Variants in RD3 observed in about 807,000 individuals in gnomAD.
The protein encoded by RD3 is RD3 regulator of GUCY2D, also known as protein RD3.
In RD3, 11 loss-of-function variants were observed where a neutral mutation model predicts 16.9. That is an observed-to-expected ratio of 0.65 (90% CI 0.41 to 1.08). The LOEUF (loss-of-function observed/expected upper bound fraction) is 1.08. Ranked by LOEUF, RD3 falls within the 50% of genes least tolerant of loss-of-function variation. RD3 has a pLI of 0.00. For missense variants in RD3, 274 were observed against 267.4 expected, an observed-to-expected ratio of 1.02 and a Z score of -0.17; for synonymous variants, 116 against 114.8, an observed-to-expected ratio of 1.01 and a Z score of -0.07.
chr1:211,476,532 T>A lies in RD3; in HGVS notation c.*2504A>T, dbSNP rs1274209926. 3 of 152,150 alleles carry A rather than the reference T, an allele frequency of 2.0e-5. No individual in the cohort carries two copies. Among genetic ancestry groups the A allele is most frequent in the Non-Finnish European group, 4.4e-5 (3 of 68,036 alleles). The allele number at this position is 152,150 out of a possible 1,614,324, so 9.4% of individuals were successfully genotyped here. A position where few individuals can be genotyped will look rare whatever the true frequency, so the allele number is the denominator to read the frequency against. The stretch of plus-strand genomic sequence containing the variant: ...ACAAGGACACTCTCAAACTTTTTGT[T>A]CTTTTATTTGTGGTTATTGAGGTTT... On this transcript the variant is annotated 3_prime_UTR_variant, in exon 3 of 3. Transcript: ENST00000680073.
intron 2 of RD3, among the ~76,000 whole-genome samples, chr1:211,479,656 G>C (rs1408029937): frequency 6.6e-6 from 1 of 152,204 alleles, no homozygotes; most frequent in Admixed American, 6.5e-5. Flanking sequence ...GAAGCATTAA[G>C]GGGAGCCCTT....
intron 1 of RD3, among the ~76,000 whole-genome samples, chr1:211,485,638 T>C (rs947724459): frequency 2.0e-5 from 3 of 152,016 alleles, no homozygotes; most frequent in Admixed American, 2.0e-4. Flanking sequence ...TGACCTTTGG[T>C]GAGTGTCTGG....
Position 211,480,213 on chromosome 1 carries a change from G to C in RD3, c.297-886C>G, listed in dbSNP as rs575514866. On this transcript the variant is annotated intron_variant, in intron 2 of 2. Coordinates refer to ENST00000680073, the MANE Select transcript of RD3 (RefSeq NM_001164688.2). ...ACAGTACAGAATCAGAGCTGGGGGAGAGTAAGGTTCTCCATCTGGAGGAAG... is the reference window on the plus strand; with the variant it reads ...ACAGTACAGAATCAGAGCTGGGGGACAGTAAGGTTCTCCATCTGGAGGAAG... Among the ~76,000 whole-genome samples, 6 of 152,204 alleles carry C rather than the reference G, an allele frequency of 3.9e-5. No homozygotes were observed. In the East Asian group the frequency reaches 9.7e-4, roughly 25 times the overall value.
chr1:211,479,396 C>A, intron 2 of RD3, 69 bp from the exon 3 acceptor site: 3 of 1,443,388 alleles, frequency 2.1e-6, no homozygotes, highest in Non-Finnish European at 2.8e-6. Context: ...GGGCGTCTAA[C>A]CCCGAGGGGC....
intron 1 of RD3, among the ~76,000 whole-genome samples, chr1:211,484,719 G>C (rs762059387): frequency 6.6e-6 from 1 of 152,200 alleles, no homozygotes; most frequent in African/African-American, 2.4e-5. Flanking sequence ...GACACATGGA[G>C]GTGGGTTGGG....
At chr1:211,487,295 C>A (rs570579614) in intron 1 of RD3, among the ~76,000 whole-genome samples, 2 of 152,326 alleles carry the variant, frequency 1.3e-5, no homozygotes, top group Admixed American at 6.5e-5. Context: ...TGTTCTCCCC[C>A]TCCCATAACC....
rs1284139798 is a variant in RD3, at chr1:211,491,845, G to A, written c.-89C>T. 1 of 152,346 alleles carries A rather than the reference G, an allele frequency of 6.6e-6. No individual in the cohort carries two copies. The highest frequency in any genetic ancestry group is 1.5e-5 in the Non-Finnish European group (1 of 68,172). The allele number at this position is 152,346 out of a possible 1,614,324, so 9.4% of individuals were successfully genotyped here. A position where few individuals can be genotyped will look rare whatever the true frequency, so the allele number is the denominator to read the frequency against. ...CTGCTTCCCAGTCTGGGAGAAGAGA[G>A]TGTCTGGATATTTTCAGGAAAAAAA... On this transcript the variant is annotated 5_prime_UTR_variant, in exon 1 of 3. Transcript: ENST00000680073.
At chr1:211,480,747 G>A (rs1176346166) in intron 2 of RD3, among the ~76,000 whole-genome samples, 1 of 152,072 alleles carries the variant, frequency 6.6e-6, no homozygotes, top group Non-Finnish European at 1.5e-5. Flanking sequence ...TCTGACTTTG[G>A]AGAAATGTCT....
At position 211,479,143 on chromosome 1, in the gene RD3, G is replaced by A; in HGVS notation, c.481C>T (p.Pro161Ser). The A allele has an allele frequency of 1.2e-6, 2 of 1,612,812 alleles. No homozygotes were observed. Among genetic ancestry groups the A allele is most frequent in the Non-Finnish European group, 1.7e-6 (2 of 1,179,650 alleles). Residue 161 changes from proline to serine, a missense_variant, in exon 3 of 3, where the codon CCC becomes TCC. Physicochemically the swap from Pro to Ser is moderately conservative, Grantham distance 74. Transcript: ENST00000680073. ...ATGGTCCTGATGTCGCTGGCGAAGG[G>A]CGAGATGCGCGCGCGGGTCTTGAAG... ...ATFKTRARIS[P>S]FASDIRTISE...
Position 211,479,308 on chromosome 1 carries a change from C to T in RD3, c.316G>A (p.Glu106Lys), listed in dbSNP as rs1430582799. 3 of 1,603,902 alleles carry T rather than the reference C, an allele frequency of 1.9e-6. No homozygotes were observed. In the African/African-American group the frequency reaches 4.0e-5, roughly 21 times the overall value. Residue 106 changes from glutamate (E) to lysine (K), a missense_variant, in exon 3 of 3, where the codon GAG becomes AAG. By Grantham distance (56) the Glu-to-Lys change is moderately conservative. Transcript: ENST00000680073. ...AILRFRQLLAEQEPEVQEVSQ... is the reference protein window; with the variant it reads ...AILRFRQLLAKQEPEVQEVSQ... The stretch of plus-strand genomic sequence containing the variant: ...ACCTCCTGCACCTCGGGCTCCTGCT[C>T]CGCCAGCAGCTGCCGGAACCTGGGC...
chr1:211,489,552 A>G (rs1282918491), intron 1 of RD3, among the ~76,000 whole-genome samples: 1 of 150,014 alleles, frequency 6.7e-6, no homozygotes, highest in Non-Finnish European at 1.5e-5. Context: ...ATATTATTAT[A>G]TCATAAATCA....
intron 1 of RD3, among the ~76,000 whole-genome samples, chr1:211,489,336 C>A (rs201521628): frequency 2.1e-3 from 166 of 79,580 alleles, no homozygotes; most frequent in Non-Finnish European, 4.1e-3. Context: ...TGTGGTATTT[C>A]TTTAGTTATG....
intron 1 of RD3, among the ~76,000 whole-genome samples, chr1:211,486,966 T>C (rs560393779): frequency 5.7e-4 from 87 of 152,318 alleles, no homozygotes; most frequent in Non-Finnish European, 8.7e-4. Flanking sequence ...CAGAAAACAT[T>C]ACATAAATAT....
intron 1 of RD3, among the ~76,000 whole-genome samples, chr1:211,485,892 C>T (rs1342718655): frequency 6.6e-6 from 1 of 152,204 alleles, no homozygotes; most frequent in Non-Finnish European, 1.5e-5. Flanking sequence ...CACGATGGCT[C>T]ATGCCTGTAA....
chr1:211,487,632 T>C (rs570416724), intron 1 of RD3, among the ~76,000 whole-genome samples: 22 of 152,370 alleles, frequency 1.4e-4, no homozygotes, highest in African/African-American at 5.0e-4. Context: ...GCCTTCCTGA[T>C]TCACTCTACC....
intron 2 of RD3, 44 bp from the exon 3 acceptor site, chr1:211,479,371 C>T: frequency 4.5e-6 from 7 of 1,559,834 alleles, no homozygotes; most frequent in African/African-American, 1.3e-5. Context: ...CCCACAACAG[C>T]GGGTCTGGCA....
Position 211,479,154 on chromosome 1 carries a change from G to A in RD3, c.470C>T (p.Ala157Val). 1 of 1,612,862 alleles carries A rather than the reference G, an allele frequency of 6.2e-7. No individual in the cohort carries two copies. Among genetic ancestry groups the A allele is most frequent in the Non-Finnish European group, 8.5e-7 (1 of 1,179,656 alleles). Residue 157 changes from alanine (A) to valine (V), a missense_variant, in exon 3 of 3, where the codon GCG (alanine) becomes GTG (valine). Physicochemically the swap from Ala to Val is moderately conservative, Grantham distance 64. Transcript: ENST00000680073. ...RGSLATFKTR[A>V]RISPFASDIR... is the part of the protein sequence containing the mutation. ...GTCGCTGGCGAAGGGCGAGATGCGC[G>A]CGCGGGTCTTGAAGGTGGCCAGGCT...
At chr1:211,483,568 G>A (rs558386544) in intron 1 of RD3, among the ~76,000 whole-genome samples, 30 of 152,090 alleles carry the variant, frequency 2.0e-4, no homozygotes, top group African/African-American at 7.2e-4. Context: ...TGGGACGAAA[G>A]GACGAACCAT....
chr1:211,482,024 A>G (rs1705276819), intron 1 of RD3, among the ~76,000 whole-genome samples: 1 of 152,208 alleles, frequency 6.6e-6, no homozygotes, highest in South Asian at 2.1e-4. Flanking sequence ...GGAGATCAAG[A>G]CAAGCCTGAC....
Sources: gnomAD v4.1 joint callset for allele counts (sites outside exome capture counted in the v4.1 genomes callset) on GRCh38, gnomAD v4.1.1 for gene constraint, MANE v1.5 for transcripts, NCBI Gene and HGNC (gene_info 2026-07-23, HGNC 2026-07-21) for gene names.